Variants in DUSP26 observed in about 807,000 individuals in gnomAD.
DUSP26 encodes the protein dual specificity protein phosphatase 26.
In DUSP26, 12 loss-of-function variants were observed where a neutral mutation model predicts 20.0. The ratio of observed to expected loss-of-function variants is 0.60; its 90% CI spans 0.38 to 0.97. DUSP26 has a LOEUF of 0.97. Ranked by LOEUF, DUSP26 falls within the 50% of genes least tolerant of loss-of-function variation. DUSP26 has a pLI of 0.00. For missense variants in DUSP26, 230 were observed against 294.0 expected, an observed-to-expected ratio of 0.78 and a Z score of 1.59; for synonymous variants, 120 against 118.8, an observed-to-expected ratio of 1.01 and a Z score of -0.06.
At position 33,591,588 on chromosome 8, in the gene DUSP26, C is replaced by A; in HGVS notation, c.*425G>T. On this transcript the variant is annotated 3_prime_UTR_variant, in exon 4 of 4. Coordinates refer to ENST00000256261, the MANE Select transcript of DUSP26 (RefSeq NM_024025.3). ...ATGCTAGGGGTTTCACACAACTCTA[C>A]ACCATTGCATTCATGCTTGCCGTAT... 4.6e-6 allele frequency: 1 copy of A among 215,468 alleles called. No homozygotes were observed. Among genetic ancestry groups the A allele is most frequent in the Non-Finnish European group, 9.4e-6 (1 of 106,790 alleles). 13.3% of individuals were successfully genotyped at this position (215,468 alleles called of 1,614,324 possible). A position where few individuals can be genotyped will look rare whatever the true frequency, so the allele number is the denominator to read the frequency against.
rs747242263 is a variant in DUSP26 at position 33,593,740 on chromosome 8, C to A, written c.229G>T (p.Ala77Ser). 6.2e-7 allele frequency: 1 copy of A among 1,614,144 alleles called. No homozygotes were observed. Among genetic ancestry groups the A allele is most frequent in the Non-Finnish European group, 8.5e-7 (1 of 1,180,014 alleles). Residue 77 changes from alanine to serine, a missense_variant, in exon 3 of 4, where the codon GCT becomes TCT. Coordinates refer to ENST00000256261, the MANE Select transcript of DUSP26 (RefSeq NM_024025.3). Reference sequence around the variant, plus strand: ...CGGCGAAGCTCCCGGCGGTTGTTAGCCATGTCCCTGCATTGAGTAGAGGTT... The same window carrying A: ...CGGCGAAGCTCCCGGCGGTTGTTAGACATGTCCCTGCATTGAGTAGAGGTT... The part of the protein sequence containing the change: ...PGLYLGDQDM[A>S]NNRRELRRLG...
In DUSP26 at chr8:33,597,423, G is replaced by C; in HGVS notation, c.93C>G (p.Thr31=). 6.2e-7 allele frequency: 1 copy of C among 1,614,108 alleles called. No individual in the cohort carries two copies. ...GTTGAACGGTTGGCATCTCCTCCAG[G>C]GTCCCTCGAGTTCGAACAGGAGACC... is the stretch of plus-strand genomic sequence containing the variant. ...SSRSPVRTRG[T]LEEMPTVQHP... Residue 31 remains threonine, a synonymous_variant, in exon 2 of 4, where the codon ACC becomes ACG. Transcript: ENST00000256261.
chr8:33,599,496 C>T (rs1388515397), intron 1 of DUSP26, among the ~76,000 whole-genome samples, 169 bp downstream of exon 1: 1 of 152,206 alleles, frequency 6.6e-6, no homozygotes, highest in Non-Finnish European at 1.5e-5. Context: ...GCCAGCCTGG[C>T]AGCCGGGCCC....
At chr8:33,594,316 G>A (rs1811092697) in intron 2 of DUSP26, among the ~76,000 whole-genome samples, 2 of 152,016 alleles carry the variant, frequency 1.3e-5, no homozygotes, top group South Asian at 4.1e-4. Flanking sequence ...TGTGCGGCCG[G>A]GCGCGGTGGC....
chr8:33,592,485 G>A (rs1457424011), intron 3 of DUSP26, among the ~76,000 whole-genome samples: 1 of 128,754 alleles, frequency 7.8e-6, no homozygotes, highest in Non-Finnish European at 1.6e-5. Context: ...GCTGCAGTGA[G>A]CCAAGATCGT....
Position 33,591,406 on chromosome 8 carries a change from A to G in DUSP26, c.*607T>C, listed in dbSNP as rs1811014677. On this transcript the variant is annotated 3_prime_UTR_variant, in exon 4 of 4. Coordinates refer to ENST00000256261, the MANE Select transcript of DUSP26 (RefSeq NM_024025.3). Reference sequence around the variant, plus strand: ...AGTGACAATTTCAAGACTGCCAGCCATGCACCTCTGTATGTTTTTGGCCCA... The same window carrying G: ...AGTGACAATTTCAAGACTGCCAGCCGTGCACCTCTGTATGTTTTTGGCCCA... The G allele has an allele frequency of 1.3e-5, 2 of 152,684 alleles. No homozygotes were observed. Among genetic ancestry groups the G allele is most frequent in the South Asian group, 4.1e-4 (2 of 4,826 alleles). 9.5% of individuals were successfully genotyped at this position (152,684 alleles called of 1,614,324 possible).
chr8:33,597,193 G>A (rs1327715533), intron 2 of DUSP26, 102 bp downstream of exon 2: 4 of 1,170,646 alleles, frequency 3.4e-6, no homozygotes, highest in Non-Finnish European at 4.7e-6. Context: ...CTTCAACCAG[G>A]AACCAATGAC....
rs1811023407 is a variant in DUSP26, at chr8:33,591,769, C to T, written c.*244G>A. ...GTGTTCGAATCCCAGGACCATCTTC[C>T]ATCTACAGCCTAGCTGCCTCCTTCC... is the stretch of plus-strand genomic sequence containing the variant. On this transcript the variant is annotated 3_prime_UTR_variant, in exon 4 of 4. Coordinates refer to ENST00000256261, the MANE Select transcript of DUSP26 (RefSeq NM_024025.3). The T allele has an allele frequency of 1.9e-6, 1 of 536,632 alleles. No homozygotes were observed. Among genetic ancestry groups the T allele is most frequent in the South Asian group, 2.2e-5 (1 of 46,228 alleles). The allele number at this position is 536,632 out of a possible 1,614,324, so 33.2% of individuals were successfully genotyped here.
intron 2 of DUSP26, among the ~76,000 whole-genome samples, chr8:33,595,840 C>G (rs951748651): frequency 1.3e-5 from 2 of 152,152 alleles, no homozygotes; most frequent in Non-Finnish European, 2.9e-5. Context: ...GAACTTGAGC[C>G]TCCAAGCCCG....
rs979504296 is a variant in DUSP26, at chr8:33,596,358, G to A, written c.221+937C>T. Among the ~76,000 whole-genome samples, 11 of 152,164 alleles carry A rather than the reference G, an allele frequency of 7.2e-5. No individual in the cohort carries two copies. The East Asian group carries it at 2.1e-3, about 29-fold the overall frequency. On this transcript the variant is annotated intron_variant, in intron 2 of 3. Coordinates refer to ENST00000256261, the MANE Select transcript of DUSP26 (RefSeq NM_024025.3). ...TTTGAGAGGCCGAGACAGGTGGACT[G>A]CCTGAGCTCAGGAGCTCAAGACCAG...
At chr8:33,592,245 CTGCT>C in intron 3 of DUSP26, 33 bp from the exon 4 acceptor site, 1 of 1,538,568 alleles carries the variant, frequency 6.5e-7, no homozygotes, top group Non-Finnish European at 8.8e-7. Context: ...AGCTTTGAGA[CTGCT>C]TGTGGCAGCT....
chr8:33,593,845 A>ATT, intron 2 of DUSP26, 98 bp from the exon 3 acceptor site: 1 of 1,378,396 alleles, frequency 7.3e-7, no homozygotes, highest in Non-Finnish European at 1.0e-6. Context: ...CCTATTGTTG[A>ATT]TTTTTTTTTG....
At position 33,593,207 on chromosome 8, in the gene DUSP26, G is replaced by A. The variant is rs559858450; in HGVS notation, c.436+326C>T. Among the ~76,000 whole-genome samples, 4 of 152,192 alleles carry A rather than the reference G, an allele frequency of 2.6e-5. No individual in the cohort carries two copies. The East Asian group carries it at 7.7e-4, about 29-fold the overall frequency. On this transcript the variant is annotated intron_variant, in intron 3 of 3. Transcript: ENST00000256261. Reference sequence around the variant, plus strand: ...GAATCGCTTGAACCTGGGAGGCGGAGGTTACAGTGAGCTGAGATCACGTCA... The same window carrying A: ...GAATCGCTTGAACCTGGGAGGCGGAAGTTACAGTGAGCTGAGATCACGTCA...
intron 2 of DUSP26, among the ~76,000 whole-genome samples, chr8:33,595,718 T>C (rs1811129145): frequency 6.6e-6 from 1 of 152,078 alleles, no homozygotes; most frequent in Admixed American, 6.6e-5. Flanking sequence ...CAGGTGTTCA[T>C]CCGGCCCAGA....
At chr8:33,592,538 CAAAAAAAAAAA>C (rs745687703) in intron 3 of DUSP26, among the ~76,000 whole-genome samples, 2 of 23,764 alleles carry the variant, frequency 8.4e-5, no homozygotes, top group Non-Finnish European at 1.4e-4. Flanking sequence ...AACCCCATCT[CAAAAAAAAAAA>C]AAAAAAAAAA....
intron 1 of DUSP26, 62 bp downstream of exon 1, chr8:33,599,603 G>T (rs1251453014): frequency 2.0e-5 from 3 of 152,054 alleles, no homozygotes; most frequent in Non-Finnish European, 4.4e-5. Context: ...CCCCTAGCTG[G>T]GCGCCTCTCC....
In DUSP26 at chr8:33,591,986, C is replaced by G; in HGVS notation, c.*27G>C. The G allele has an allele frequency of 6.2e-7, 1 of 1,610,528 alleles. No individual in the cohort carries two copies. Among genetic ancestry groups the G allele is most frequent in the Non-Finnish European group, 8.5e-7 (1 of 1,179,878 alleles). ...TGGGAGCCAGGGACCTACCCACGGG[C>G]CTGGCCTGACCTCTCTCCCCCTCCC... On this transcript the variant is annotated 3_prime_UTR_variant, in exon 4 of 4. Transcript: ENST00000256261.
At position 33,598,894 on chromosome 8, in the gene DUSP26, C is replaced by A. The variant is rs986691119; in HGVS notation, c.-77+771G>T. Among the ~76,000 whole-genome samples, 4 of 152,322 alleles carry A rather than the reference C, an allele frequency of 2.6e-5. No individual in the cohort carries two copies. In the South Asian group the frequency reaches 8.3e-4, roughly 32 times the overall value. ...CAACTCTATGACCAGCAGTGAGAGGCCATCTTTGTCCCTGCCCATGCTCTG... is the reference window on the plus strand; with the variant it reads ...CAACTCTATGACCAGCAGTGAGAGGACATCTTTGTCCCTGCCCATGCTCTG... On this transcript the variant is annotated intron_variant, in intron 1 of 3. Transcript: ENST00000256261.
chr8:33,592,093 G>A lies in DUSP26; in HGVS notation c.556C>T (p.Arg186Ter), dbSNP rs750549145. The A allele has an allele frequency of 3.7e-6, 6 of 1,613,958 alleles. No individual in the cohort carries two copies. Among genetic ancestry groups the A allele is most frequent in the African/African-American group, 1.3e-5 (1 of 74,928 alleles). The change falls in exon 4 of 4, where the codon CGA becomes TGA. Residue 186 changes from arginine (R) to a stop codon, truncating the protein, a stop_gained. Coordinates refer to ENST00000256261, the MANE Select transcript of DUSP26 (RefSeq NM_024025.3). LOFTEE classifies it high-confidence loss of function. ...VEAIKKVKDHRGIIPNRGFLR... is the reference protein window; with the variant it reads ...VEAIKKVKDH Reference sequence around the variant, plus strand: ...AAGCCCCGGTTGGGGATGATGCCTCGGTGGTCTTTGACTTTCTTGATGGCC... The same window carrying A: ...AAGCCCCGGTTGGGGATGATGCCTCAGTGGTCTTTGACTTTCTTGATGGCC...
Sources: allele counts gnomAD v4.1 joint callset (sites outside exome capture counted in the v4.1 genomes callset), GRCh38; gene constraint gnomAD v4.1.1; transcripts MANE v1.5; gene names NCBI Gene and HGNC (gene_info 2026-07-23, HGNC 2026-07-21).